Variants in SEMA5A observed in about 807,000 individuals in gnomAD.
The protein encoded by SEMA5A is semaphorin-5A.
A neutral mutation model predicts 135.5 loss-of-function variants in SEMA5A; 55 were observed. The ratio of observed to expected loss-of-function variants is 0.41; its 90% CI spans 0.33 to 0.51. The LOEUF is 0.51. SEMA5A is among the 20% of genes least tolerant of loss of function. The pLI, the probability that SEMA5A is intolerant of heterozygous loss-of-function variation, is 0.37. For synonymous variants in SEMA5A, 580 were observed against 546.5 expected, an observed-to-expected ratio of 1.06 and a Z score of -0.85; for missense variants, 1,290 against 1,419.9, an observed-to-expected ratio of 0.91 and a Z score of 1.47.
At chr5:9,145,377 C>A (rs1308467590) in intron 12 of SEMA5A, among the ~76,000 whole-genome samples, 1 of 152,202 alleles carries the variant, frequency 6.6e-6, no homozygotes, top group African/African-American at 2.4e-5. Flanking sequence ...CCAGAACCAT[C>A]TGAATGCAAA....
intron 1 of SEMA5A, among the ~76,000 whole-genome samples, chr5:9,513,716 G>A (rs1412906698): frequency 6.6e-6 from 1 of 152,152 alleles, no homozygotes. Flanking sequence ...CTATGCCCCA[G>A]AGTCGACTTC....
At chr5:9,517,254 AC>A (rs1736583262) in intron 1 of SEMA5A, 1 of 152,250 alleles carries the variant, frequency 6.6e-6, no homozygotes, top group South Asian at 2.1e-4. Context: ...TTTCTAAAGA[AC>A]CATAAATTAA....
intron 5 of SEMA5A, among the ~76,000 whole-genome samples, chr5:9,264,971 G>A (rs1054321513): frequency 2.0e-5 from 3 of 152,234 alleles, no homozygotes; most frequent in African/African-American, 7.2e-5. Flanking sequence ...CCCCAAAGAC[G>A]TGAACAGAGA....
At chr5:9,074,797 A>T (rs1021672409) in intron 16 of SEMA5A, among the ~76,000 whole-genome samples, 6 of 152,236 alleles carry the variant, frequency 3.9e-5, no homozygotes, top group Non-Finnish European at 8.8e-5. Context: ...ACTAAAATTC[A>T]AACAACAGAA....
intron 11 of SEMA5A, among the ~76,000 whole-genome samples, chr5:9,187,516 C>A (rs1241428210): frequency 1.3e-5 from 2 of 152,142 alleles, no homozygotes; most frequent in African/African-American, 4.8e-5. Context: ...CTGTTTTCTG[C>A]TGGAAAGTAC....
chr5:9,413,103 T>C (rs765563477), intron 2 of SEMA5A, among the ~76,000 whole-genome samples: 13 of 152,120 alleles, frequency 8.5e-5, no homozygotes, highest in Non-Finnish European at 1.3e-4. Flanking sequence ...TGGCCAGGCA[T>C]TGGGCTCCTA....
chr5:9,327,665 A>G (rs1180180593), intron 4 of SEMA5A, among the ~76,000 whole-genome samples: 5 of 152,204 alleles, frequency 3.3e-5, no homozygotes, highest in African/African-American at 1.2e-4. Context: ...GAGATATAAA[A>G]TCAGGAAAAT....
intron 3 of SEMA5A, among the ~76,000 whole-genome samples, chr5:9,371,104 C>A (rs936586410): frequency 1.3e-5 from 2 of 152,130 alleles, no homozygotes; most frequent in Non-Finnish European, 2.9e-5. Flanking sequence ...ACTTTACTTA[C>A]AAGCAATCCA....
intron 1 of SEMA5A, among the ~76,000 whole-genome samples, chr5:9,446,452 T>C (rs1336793561): frequency 2.0e-5 from 3 of 152,102 alleles, no homozygotes; most frequent in Non-Finnish European, 4.4e-5. Context: ...AGTGAATACT[T>C]TCTTATTTTG....
chr5:9,437,007 TG>T (rs1561252253), intron 2 of SEMA5A, among the ~76,000 whole-genome samples: 1 of 152,112 alleles, frequency 6.6e-6, no homozygotes, highest in Admixed American at 6.5e-5. Context: ...GGAAATTGTG[TG>T]GAGGCCTGAC....
intron 1 of SEMA5A, among the ~76,000 whole-genome samples, chr5:9,516,239 C>T (rs1375331946): frequency 1.3e-5 from 2 of 152,040 alleles, no homozygotes; most frequent in African/African-American, 4.8e-5. Context: ...CACACACAGA[C>T]ACAGATACGC....
intron 15 of SEMA5A, among the ~76,000 whole-genome samples, chr5:9,113,270 T>A (rs1356576115): frequency 6.6e-6 from 1 of 152,196 alleles, no homozygotes; most frequent in African/African-American, 2.4e-5. Flanking sequence ...GAGGTTGGAA[T>A]GTGAAAGTGG....
At chr5:9,430,167 AT>A (rs1757807986) in intron 2 of SEMA5A, among the ~76,000 whole-genome samples, 1 of 152,200 alleles carries the variant, frequency 6.6e-6, no homozygotes, top group Non-Finnish European at 1.5e-5. Flanking sequence ...ATAATCAAGT[AT>A]TGTTCCAACT....
chr5:9,098,421 A>G (rs934762826), intron 16 of SEMA5A, among the ~76,000 whole-genome samples: 1 of 152,202 alleles, frequency 6.6e-6, no homozygotes, highest in African/African-American at 2.4e-5. Context: ...TTAATTGACT[A>G]AAAAGCCCAG....
intron 4 of SEMA5A, among the ~76,000 whole-genome samples, chr5:9,318,802 A>ATT (rs1752500343): frequency 6.6e-6 from 1 of 152,182 alleles, no homozygotes; most frequent in Non-Finnish European, 1.5e-5. Flanking sequence ...TTATCACCTA[A>ATT]ATTCACCATG....
intron 16 of SEMA5A, among the ~76,000 whole-genome samples, chr5:9,092,772 A>G (rs1425434879): frequency 6.6e-6 from 1 of 152,204 alleles, no homozygotes; most frequent in Non-Finnish European, 1.5e-5. Context: ...TAAGAACAAT[A>G]TAATACACAA....
chr5:9,051,796 ACT>A, intron 20 of SEMA5A, 75 bp downstream of exon 20: 1 of 1,577,420 alleles, frequency 6.3e-7, no homozygotes, highest in Non-Finnish European at 8.7e-7. Flanking sequence ...GCCAAATAAA[ACT>A]CTGACCTATG....
intron 5 of SEMA5A, among the ~76,000 whole-genome samples, chr5:9,305,447 C>T (rs1390085928): frequency 2.0e-5 from 3 of 151,768 alleles, no homozygotes; most frequent in Non-Finnish European, 2.9e-5. Flanking sequence ...CTGTGTTTTT[C>T]GTAACTGGGA....
At position 9,066,593 on chromosome 5, in the gene SEMA5A, G is replaced by A. The variant is rs1737480653; in HGVS notation, c.2127C>T (p.Pro709=). The A allele has an allele frequency of 6.8e-6, 11 of 1,614,064 alleles. No individual in the cohort carries two copies. In the Admixed American group the frequency reaches 1.5e-4, roughly 22 times the overall value. The change falls in exon 17 of 23, where the codon CCC becomes CCT. Residue 709 remains proline (P), a synonymous_variant. Transcript: ENST00000382496. ...TGTTGACAGGTGTCCAGGGTGTCCAGGGCGTGGTCTTCTTCAGCTCAGGAC... is the reference window on the plus strand; with the variant it reads ...TGTTGACAGGTGTCCAGGGTGTCCAAGGCGTGGTCTTCTTCAGCTCAGGAC... ...NPCPELKKTT[P]WTPWTPVNIS... is the part of the protein sequence containing the mutation.
Sources: gnomAD v4.1 joint callset for allele counts (sites outside exome capture counted in the v4.1 genomes callset) on GRCh38, gnomAD v4.1.1 for gene constraint, MANE v1.5 for transcripts, NCBI Gene and HGNC (gene_info 2026-07-23, HGNC 2026-07-21) for gene names.